Variants in TRPM2 observed in about 807,000 individuals in gnomAD.
TRPM2 encodes estrogen-responsive element-associated gene 1 protein.
TRPM2 carries 161 observed loss-of-function variants against 174.0 expected under a neutral mutation model. The observed-to-expected ratio is 0.93, with a 90% CI of 0.81 to 1.05. The LOEUF (loss-of-function observed/expected upper bound fraction) is 1.05. TRPM2 is among the 50% of genes least tolerant of loss of function. The pLI, the probability that TRPM2 is intolerant of heterozygous loss-of-function variation, is 0.00. For missense variants in TRPM2, 2,057 were observed against 2,038.0 expected, an observed-to-expected ratio of 1.01 and a Z score of -0.18; for synonymous variants, 954 against 861.3, an observed-to-expected ratio of 1.11 and a Z score of -1.88.
chr21:44,393,613 ACTT>A (rs2049248463), intron 11 of TRPM2, among the ~76,000 whole-genome samples: 1 of 150,790 alleles, frequency 6.6e-6, no homozygotes, highest in Admixed American at 6.6e-5. Flanking sequence ...GGAGTTAACT[ACTT>A]CTTATAAGCT....
Position 44,439,278 on chromosome 21 carries a change from A to C in TRPM2, c.4269+110A>C, listed in dbSNP as rs1255814318. On this transcript the variant is annotated intron_variant, in intron 30 of 31. Transcript: ENST00000397928. The surrounding 1 kb of genome is among the most constrained non-coding windows in gnomAD (Gnocchi z 5.1). ...AGCACCACTGGGTGGCAGCGGTCCC[A>C]CCCAGCTTCACCAGGTGACGGTGGT... 1 of 926,536 alleles carries C rather than the reference A, an allele frequency of 1.1e-6. No individual in the cohort carries two copies. The highest frequency in any genetic ancestry group is 1.7e-6 in the Non-Finnish European group (1 of 599,596). The allele number at this position is 926,536 out of a possible 1,614,324, so 57.4% of individuals were successfully genotyped here.
intron 21 of TRPM2, 132 bp from the exon 22 acceptor site, chr21:44,418,291 G>A (rs2050386458): frequency 1.4e-6 from 2 of 1,399,440 alleles, no homozygotes; most frequent in East Asian, 4.8e-5. Flanking sequence ...CCCCTTGGGG[G>A]CAGGTGTGCG....
At chr21:44,358,832 G>A (rs9974189) in intron 2 of TRPM2, among the ~76,000 whole-genome samples, 38,559 of 152,038 alleles carry the variant, frequency 0.25, 5,419 homozygotes, top group African/African-American at 0.39. Context: ...GACTTCAAGA[G>A]TGAAGCCGGG....
Position 44,397,845 on chromosome 21 carries a change from G to A in TRPM2, c.2031G>A (p.Ala677=), listed in dbSNP as rs759551247. The A allele has an allele frequency of 2.9e-5, 46 of 1,607,316 alleles. No individual in the cohort carries two copies. The highest frequency in any genetic ancestry group is 3.2e-5 in the Non-Finnish European group (38 of 1,177,296). Residue 677 remains alanine (A), a synonymous_variant, in exon 13 of 32, where the codon GCG becomes GCA. Transcript: ENST00000397928. ...CGGACAGCTCGGAGGAGATGCTGGC[G>A]CTGGCGGAGGAGTATGAGCACAGAG... ...EDTDSSEEML[A]LAEEYEHRAI...
rs1375608418 is a variant in TRPM2, at chr21:44,406,628, C to G, written c.2825C>G (p.Ala942Gly). The G allele has an allele frequency of 6.2e-7, 1 of 1,610,762 alleles. No homozygotes were observed. The highest frequency in any genetic ancestry group is 8.5e-7 in the Non-Finnish European group (1 of 1,179,438). The change falls in exon 19 of 32, where the codon GCT (alanine) becomes GGT (glycine). Residue 942 changes from alanine (A) to glycine (G), a missense_variant. Physicochemically the swap from Ala to Gly is moderately conservative, Grantham distance 60. Transcript: ENST00000397928. ...KDVFFFLFLL[A>G]VWVVSFGVAK... ...GTCTTCTTCTTCCTCTTCCTGCTGG[C>G]TGTGTGGGTGGTGTCCTTCGGGGTG...
chr21:44,383,480 G>T (rs1327109697), intron 9 of TRPM2, among the ~76,000 whole-genome samples: 1 of 152,206 alleles, frequency 6.6e-6, no homozygotes, highest in Non-Finnish European at 1.5e-5. Context: ...GCTGGGATCA[G>T]CAGGGAACTT....
At chr21:44,377,404 G>A (rs939031397) in intron 6 of TRPM2, among the ~76,000 whole-genome samples, 7 of 152,320 alleles carry the variant, frequency 4.6e-5, no homozygotes, top group African/African-American at 1.4e-4. Flanking sequence ...GGAAGCAAGC[G>A]AGCGGGGAAG....
chr21:44,366,661 C>T lies in TRPM2; in HGVS notation c.424-93C>T. The T allele has an allele frequency of 6.4e-7, 1 of 1,570,486 alleles. No individual in the cohort carries two copies. The highest frequency in any genetic ancestry group is 8.7e-7 in the Non-Finnish European group (1 of 1,150,796). ...CCGGAAAGGTGTGCGGTGTCTGCCG[C>T]CCGCTGGGGCCTCTCTGCATGGCCT... On this transcript the variant is annotated intron_variant, in intron 3 of 31. Transcript: ENST00000397928. The surrounding 1 kb of genome is among the most constrained non-coding windows in gnomAD (Gnocchi z 6.0).
intron 19 of TRPM2, among the ~76,000 whole-genome samples, chr21:44,411,510 G>A (rs967165135): frequency 5.3e-5 from 8 of 152,096 alleles, no homozygotes; most frequent in African/African-American, 1.7e-4. Flanking sequence ...TGTCATATAC[G>A]AGACCATGTC....
At chr21:44,418,391 A>AG (rs1163012278) in intron 21 of TRPM2, 32 bp from the exon 22 acceptor site, 4 of 1,608,038 alleles carry the variant, frequency 2.5e-6, no homozygotes, top group Non-Finnish European at 3.4e-6. Flanking sequence ...TGAGGATTCC[A>AG]GGTCCCCTGG....
intron 5 of TRPM2, among the ~76,000 whole-genome samples, chr21:44,373,345 C>A (rs1284443336): frequency 6.6e-6 from 1 of 152,120 alleles, no homozygotes; most frequent in African/African-American, 2.4e-5. Context: ...CACCACCATG[C>A]CCAGCTAATT....
intron 5 of TRPM2, among the ~76,000 whole-genome samples, chr21:44,372,621 C>G (rs756414267): frequency 3.3e-5 from 5 of 152,224 alleles, no homozygotes; most frequent in Non-Finnish European, 2.9e-5. Context: ...TTCATATGTG[C>G]ACCTGTGAGA....
chr21:44,432,487 TC>T lies in TRPM2; in HGVS notation c.3975-2643del, dbSNP rs1050622147. On this transcript the variant is annotated intron_variant, in intron 27 of 31. Transcript: ENST00000397928. The surrounding 1 kb of genome is among the most constrained non-coding windows in gnomAD (Gnocchi z 4.9). ...TCTGAACAAGGCCAGATTCTGAGGT[TC>T]TGGGAAGGACATACATTTGTGGGCA... Among the ~76,000 whole-genome samples, 1 of 152,192 alleles carries T rather than the reference TC, an allele frequency of 6.6e-6. No individual in the cohort carries two copies. Among genetic ancestry groups the T allele is most frequent in the Non-Finnish European group, 1.5e-5 (1 of 68,030 alleles).
rs2051537008 is a variant in TRPM2, at chr21:44,442,303, G to T, written c.*486G>T. On this transcript the variant is annotated 3_prime_UTR_variant, in exon 32 of 32. Coordinates refer to ENST00000397928, the MANE Select transcript of TRPM2 (RefSeq NM_003307.4). ...CCATGTTTCGAGGTGCCTCAACATG[G>T]AGCCTTGCCTGGCCTGGGCTAGGGG... 1 of 153,024 alleles carries T rather than the reference G, an allele frequency of 6.5e-6. No individual in the cohort carries two copies. Among genetic ancestry groups the T allele is most frequent in the African/African-American group, 2.4e-5 (1 of 41,502 alleles). The allele number at this position is 153,024 out of a possible 1,614,324, so 9.5% of individuals were successfully genotyped here.
At position 44,413,984 on chromosome 21, in the gene TRPM2, C is replaced by T; in HGVS notation, c.3056C>T (p.Ala1019Val). The change falls in exon 20 of 32, where the codon GCC becomes GTC. Residue 1019 changes from alanine to valine, a missense_variant. Ala to Val is a moderately conservative substitution (Grantham distance 64). Coordinates refer to ENST00000397928, the MANE Select transcript of TRPM2 (RefSeq NM_003307.4). ...PESDATQQRP[A>V]FPEWLTVLLL... The stretch of plus-strand genomic sequence containing the variant: ...AGCGACGCGACGCAGCAGAGGCCGG[C>T]CTTCCCTGAGTGGCTGACGGTCCTC... 1 of 1,613,942 alleles carries T rather than the reference C, an allele frequency of 6.2e-7. No individual in the cohort carries two copies. The highest frequency in any genetic ancestry group is 2.2e-5 in the East Asian group (1 of 44,878).
Position 44,405,339 on chromosome 21 carries a change from C to G in TRPM2, c.2657+79C>G, listed in dbSNP as rs9653784. On this transcript the variant is annotated intron_variant, in intron 17 of 31. Coordinates refer to ENST00000397928, the MANE Select transcript of TRPM2 (RefSeq NM_003307.4). ...GGATGAGCACAGGCCGGGCCCAGAA[C>G]CAGCCACACCGGGTGAGGCTCAGCT... is the stretch of plus-strand genomic sequence containing the variant. The G allele has an allele frequency of 0.011, 16,806 of 1,581,506 alleles. 732 individuals are homozygous for G. In the African/African-American group the frequency reaches 0.12, roughly 11 times the overall value.
chr21:44,438,198 C>T lies in TRPM2; in HGVS notation c.4168-869C>T, dbSNP rs1174744269. ...CCCCGCAGCAGAGGGGGCCTTTGGC[C>T]TTGGGGTCCCCTTGCTGCCCTGCTG... On this transcript the variant is annotated intron_variant, in intron 29 of 31. Transcript: ENST00000397928. The surrounding 1 kb of genome is among the most constrained non-coding windows in gnomAD (Gnocchi z 5.9). Among the ~76,000 whole-genome samples the T allele has an allele frequency of 2.6e-5, 4 of 152,248 alleles. No individual in the cohort carries two copies. The highest frequency in any genetic ancestry group is 5.9e-5 in the Non-Finnish European group (4 of 68,044).
chr21:44,406,911 T>A, intron 19 of TRPM2, 146 bp downstream of exon 19: 1 of 1,092,926 alleles, frequency 9.1e-7, no homozygotes, highest in Non-Finnish European at 1.3e-6. Flanking sequence ...CTGGGGGCAT[T>A]CATTCCCCAG....
chr21:44,353,486 C>A, upstream of TRPM2: 1 of 585,160 alleles, frequency 1.7e-6, no homozygotes, highest in Non-Finnish European at 2.6e-6. Context: ...GCTCAGGCAG[C>A]TGGGAACATG....
Sources: gnomAD v4.1 joint callset for allele counts (sites outside exome capture counted in the v4.1 genomes callset) on GRCh38, gnomAD v4.1.1 for gene constraint, Gnocchi (gnomAD v3.1) non-coding constraint, MANE v1.5 for transcripts, NCBI Gene and HGNC (gene_info 2026-07-23, HGNC 2026-07-21) for gene names.